The following PKP3 variants were observed in gnomAD, a reference collection of about 807,000 sequenced individuals.
PKP3 encodes the protein plakophilin-3.
In PKP3, 66 loss-of-function variants were observed where a neutral mutation model predicts 76.5. The observed-to-expected ratio is 0.86, with a 90% CI of 0.71 to 1.06. The LOEUF (loss-of-function observed/expected upper bound fraction) is 1.06, where lower values mean the gene tolerates loss of function less well. PKP3 is among the 50% of genes least tolerant of loss of function. The pLI is 0.00. For synonymous variants in PKP3, 638 were observed against 516.5 expected, an observed-to-expected ratio of 1.24 and a Z score of -3.19; for missense variants, 1,338 against 1,141.0, an observed-to-expected ratio of 1.17 and a Z score of -2.49.
rs765481401 is a variant in PKP3 at position 399,024 on chromosome 11, G to A, written c.1101G>A (p.Val367=). ...GCCTTCAGGCCGTGCCTAGGCTGGT[G>A]AAGCTCTTCAACCACGCCAACCAGG... ...ARSLQAVPRL[V]KLFNHANQEV... is the part of the protein sequence containing the mutation. The change falls in exon 5 of 13, where the codon GTG becomes GTA. Residue 367 remains valine, a synonymous_variant. Transcript: ENST00000331563. 1 of 1,601,622 alleles carries A rather than the reference G, an allele frequency of 6.2e-7. No individual in the cohort carries two copies. Among genetic ancestry groups the A allele is most frequent in the South Asian group, 1.1e-5 (1 of 90,168 alleles).
At chr11:400,289 G>A (rs1207850270) in intron 6 of PKP3, 45 bp from the exon 7 acceptor site, 3 of 1,490,382 alleles carry the variant, frequency 2.0e-6, no homozygotes, top group Non-Finnish European at 2.7e-6. Context: ...GGCAAGGCCC[G>A]GGATGCGGGG....
chr11:400,736 G>A, intron 8 of PKP3, 31 bp downstream of exon 8: 2 of 1,181,374 alleles, frequency 1.7e-6, no homozygotes, highest in Non-Finnish European at 2.1e-6. Flanking sequence ...GGCGTGGGGT[G>A]GGTGCTGCGA....
chr11:403,681 C>T lies in PKP3; in HGVS notation c.1987C>T (p.Arg663Cys), dbSNP rs766868603. ...QERILNPLLD[R>C]VRTADHHQLR... ...GCGTATTCTGAACCCCCTGCTAGAC[C>T]GTGTCAGGACCGCCGACCACCACCA... Residue 663 changes from arginine to cysteine, a missense_variant, in exon 10 of 13, where the codon CGT becomes TGT. Physicochemically the swap from Arg to Cys is radical, Grantham distance 180 (BLOSUM62 -3). Transcript: ENST00000331563. 6 of 1,610,244 alleles carry T rather than the reference C, an allele frequency of 3.7e-6. No homozygotes were observed. The highest frequency in any genetic ancestry group is 1.1e-5 in the South Asian group (1 of 91,074).
In PKP3 at chr11:394,210, G is replaced by C. The variant is rs2133592744; in HGVS notation, c.-83G>C. On this transcript the variant is annotated 5_prime_UTR_variant, in exon 1 of 13. Transcript: ENST00000331563. The stretch of plus-strand genomic sequence containing the variant: ...TGAGGCTGGCTGGGCGGGGACTTCA[G>C]GGAGAGGGCCTCGAGGGACAGGACG... 4 of 1,392,484 alleles carry C rather than the reference G, an allele frequency of 2.9e-6. No individual in the cohort carries two copies. The South Asian group carries it at 6.2e-5, about 22-fold the overall frequency. The allele number at this position is 1,392,484 out of a possible 1,614,324, so 86.3% of individuals were successfully genotyped here. A position where few individuals can be genotyped will look rare whatever the true frequency, so the allele number is the denominator to read the frequency against.
At chr11:397,991 C>T (rs1847081519) in intron 4 of PKP3, among the ~76,000 whole-genome samples, 2 of 110,058 alleles carry the variant, frequency 1.8e-5, no homozygotes, top group African/African-American at 7.4e-5. Flanking sequence ...CCCCCGCACA[C>T]ACCTGCATCA....
chr11:392,693 C>A, upstream of PKP3: 1 of 1,286,716 alleles, frequency 7.8e-7, no homozygotes, highest in Non-Finnish European at 1.0e-6. Flanking sequence ...CTGGCGGGAT[C>A]CGGACCACGA....
chr11:404,875 C>T lies in PKP3; in HGVS notation c.*306C>T. 4.4e-6 allele frequency: 2 copies of T among 450,460 alleles called. No individual in the cohort carries two copies. The highest frequency in any genetic ancestry group is 3.6e-5 in the Admixed American group (1 of 27,912). 27.9% of individuals were successfully genotyped at this position (450,460 alleles called of 1,614,324 possible). ...TGGCCTGGCAGTATCTTGGGATAGC[C>T]AGCACTGGGAATAAAGATGGCCATG... On this transcript the variant is annotated 3_prime_UTR_variant, in exon 13 of 13. Coordinates refer to ENST00000331563, the MANE Select transcript of PKP3 (RefSeq NM_007183.4). The surrounding 1 kb of genome is among the most constrained non-coding windows in gnomAD (Gnocchi z 4.2).
chr11:400,063 C>T lies in PKP3; in HGVS notation c.1370C>T (p.Ser457Leu), dbSNP rs779832282. The T allele has an allele frequency of 6.2e-6, 10 of 1,602,778 alleles. No individual in the cohort carries two copies. In the African/African-American group the frequency reaches 9.4e-5, roughly 15 times the overall value. Reference sequence around the variant, plus strand: ...ACAGACCTGGTGTTGAGCCCCCTGTCGGGGGCTGGGGGTCCCCCCCTCATC... The same window carrying T: ...ACAGACCTGGTGTTGAGCCCCCTGTTGGGGGCTGGGGGTCCCCCCCTCATC... ...QLTDLVLSPL[S>L]GAGGPPLIQQ... The change falls in exon 6 of 13, where the codon TCG (serine) becomes TTG (leucine). Residue 457 changes from serine (S) to leucine (L), a missense_variant. Coordinates refer to ENST00000331563, the MANE Select transcript of PKP3 (RefSeq NM_007183.4).
Position 397,185 on chromosome 11 carries a change from GC to G in PKP3, c.685del (p.Leu229TrpfsTer35), listed in dbSNP as rs745982064. ...GCTCCAGCTCCAGCCGGGCAGGGGG[GC>G]TGGACTGGCCCGAGGCCACTGAGGT... ...ASSSSSRAGG[L>X]DWPEATEVSP... On this transcript the variant is annotated frameshift_variant, in exon 3 of 13. Coordinates refer to ENST00000331563, the MANE Select transcript of PKP3 (RefSeq NM_007183.4). LOFTEE classifies it high-confidence loss of function. The G allele has an allele frequency of 6.3e-7, 1 of 1,598,298 alleles. No individual in the cohort carries two copies.
rs746544039 is a variant in PKP3, at chr11:397,336, C to G, written c.835C>G (p.Pro279Ala). ...CGTCCTGGAGCCAGTGGCTCGAGCG[C>G]CATCTGTGCGCAGCCTCAGCCTCAG... is the stretch of plus-strand genomic sequence containing the variant. ...GAVLEPVARAPSVRSLSLSLA... is the reference protein window; with the variant it reads ...GAVLEPVARAASVRSLSLSLA... The change falls in exon 3 of 13, where the codon CCA becomes GCA. Residue 279 changes from proline to alanine, a missense_variant. By Grantham distance (27) the Pro-to-Ala change is conservative. Transcript: ENST00000331563. 1 of 1,581,176 alleles carries G rather than the reference C, an allele frequency of 6.3e-7. No individual in the cohort carries two copies. The highest frequency in any genetic ancestry group is 1.8e-5 in the Admixed American group (1 of 55,534).
intron 8 of PKP3, 58 bp from the exon 9 acceptor site, chr11:403,020 A>G (rs1410123955): frequency 1.9e-6 from 1 of 538,738 alleles, no homozygotes; most frequent in Non-Finnish European, 2.4e-6. Context: ...GCTCACCCCG[A>G]CCCGCTCACC....
rs1001283366 is a variant in PKP3, at chr11:394,474, C to T, written c.182C>T (p.Pro61Leu). The T allele has an allele frequency of 2.3e-5, 33 of 1,433,382 alleles. No individual in the cohort carries two copies. Among genetic ancestry groups the T allele is most frequent in the Non-Finnish European group, 3.0e-5 (33 of 1,100,090 alleles). The allele number at this position is 1,433,382 out of a possible 1,614,324, so 88.8% of individuals were successfully genotyped here. A position where few individuals can be genotyped will look rare whatever the true frequency, so the allele number is the denominator to read the frequency against. The change falls in exon 1 of 13, where the codon CCG becomes CTG. Residue 61 changes from proline (P) to leucine (L), a missense_variant. Coordinates refer to ENST00000331563, the MANE Select transcript of PKP3 (RefSeq NM_007183.4). Reference sequence around the variant, plus strand: ...CGCCTCTTGCAGCTGGGACAGCAGCCGCGGCACAACGGGGCCGCTGAGCCC... The same window carrying T: ...CGCCTCTTGCAGCTGGGACAGCAGCTGCGGCACAACGGGGCCGCTGAGCCC... ...RARLLQLGQQPRHNGAAEPEP... is the reference protein window; with the variant it reads ...RARLLQLGQQLRHNGAAEPEP...
rs554962150 is a variant in PKP3 at position 403,987 on chromosome 11, G to A, written c.2122G>A (p.Val708Met). 63 of 1,610,168 alleles carry A rather than the reference G, an allele frequency of 3.9e-5. No individual in the cohort carries two copies. Among genetic ancestry groups the A allele is most frequent in the East Asian group, 3.6e-4 (16 of 44,810 alleles). Residue 708 changes from valine (V) to methionine (M), a missense_variant, in exon 11 of 13, where the codon GTG becomes ATG. Val to Met is a conservative substitution (Grantham distance 21, BLOSUM62 1). Transcript: ENST00000331563. ...SHLIEKLPGS[V>M]GEKSPPAEVL... is the part of the protein sequence containing the mutation. Reference sequence around the variant, plus strand: ...CCTGATCGAGAAGCTGCCGGGCAGCGTGGGTGAGAAGTCGCCCCCAGCCGA... The same window carrying A: ...CCTGATCGAGAAGCTGCCGGGCAGCATGGGTGAGAAGTCGCCCCCAGCCGA...
chr11:396,885 C>T lies in PKP3; in HGVS notation c.384C>T (p.Ser128=), dbSNP rs1359107848. The T allele has an allele frequency of 6.3e-7, 1 of 1,599,152 alleles. No individual in the cohort carries two copies. Among genetic ancestry groups the T allele is most frequent in the African/African-American group, 1.3e-5 (1 of 74,856 alleles). The part of the protein sequence containing the change: ...SWSSRSAVDL[S]CSRRLSSAHN... Reference sequence around the variant, plus strand: ...CCTCCCGCTCCGCCGTGGATCTGAGCTGCAGTCGGAGGCTGAGTTCAGCCC... The same window carrying T: ...CCTCCCGCTCCGCCGTGGATCTGAGTTGCAGTCGGAGGCTGAGTTCAGCCC... Residue 128 remains serine, a synonymous_variant, in exon 3 of 13, where the codon AGC becomes AGT. Transcript: ENST00000331563.
rs146140233 is a variant in PKP3 at position 397,614 on chromosome 11, G to A, written c.1020G>A (p.Ala340=). The change falls in exon 4 of 13, where the codon GCG becomes GCA. Residue 340 remains alanine, a synonymous_variant. Coordinates refer to ENST00000331563, the MANE Select transcript of PKP3 (RefSeq NM_007183.4). ...ACCCCAACCTGCAGGTGCTGGGAGC[G>A]GCCTACATCCAGCACAAGTGCTACA... ...ASDPNLQVLG[A]AYIQHKCYSD... is the part of the protein sequence containing the mutation. 5.7e-5 allele frequency: 92 copies of A among 1,612,024 alleles called. No individual in the cohort carries two copies. The African/African-American group carries it at 1.0e-3, about 18-fold the overall frequency.
upstream of PKP3, chr11:393,514 G>T (rs943419405): frequency 3.7e-4 from 57 of 152,308 alleles, no homozygotes; most frequent in African/African-American, 1.4e-3. Flanking sequence ...GGCCTCTGTA[G>T]GGGGTGAGGG....
chr11:403,204 C>T lies in PKP3; in HGVS notation c.1864C>T (p.Arg622Trp), dbSNP rs376319866. ...GCTGCTGCAGCGCTGCGAGCTCAAC[C>T]GGCACACGACGGAGGCGGCCGCCGG... ...NRLLQRCELN[R>W]HTTEAAAGAL... The change falls in exon 9 of 13, where the codon CGG (arginine) becomes TGG (tryptophan). Residue 622 changes from arginine (R) to tryptophan (W), a missense_variant. Coordinates refer to ENST00000331563, the MANE Select transcript of PKP3 (RefSeq NM_007183.4). 2.5e-5 allele frequency: 39 copies of T among 1,590,434 alleles called. No homozygotes were observed. The highest frequency in any genetic ancestry group is 2.2e-4 in the South Asian group (19 of 88,062).
In PKP3 at chr11:404,381, G is replaced by C; in HGVS notation, c.2358+58G>C. 6.5e-7 allele frequency: 1 copy of C among 1,528,570 alleles called. No individual in the cohort carries two copies. The highest frequency in any genetic ancestry group is 1.1e-5 in the South Asian group (1 of 89,402). The allele number at this position is 1,528,570 out of a possible 1,614,324, so 94.7% of individuals were successfully genotyped here. ...CCGGGTGCAGGGCATGGGACGCCGG[G>C]GGAGGGTCAGTGAAGAGGCCCATGG... On this transcript the variant is annotated intron_variant, in intron 12 of 12. Transcript: ENST00000331563. The surrounding 1 kb of genome is among the most constrained non-coding windows in gnomAD (Gnocchi z 4.2).
Position 394,217 on chromosome 11 carries a change from G to C in PKP3, c.-76G>C. ...GGCTGGGCGGGGACTTCAGGGAGAG[G>C]GCCTCGAGGGACAGGACGTGAAGAT... On this transcript the variant is annotated 5_prime_UTR_variant, in exon 1 of 13. Coordinates refer to ENST00000331563, the MANE Select transcript of PKP3 (RefSeq NM_007183.4). 7.1e-7 allele frequency: 1 copy of C among 1,400,650 alleles called. No individual in the cohort carries two copies. The highest frequency in any genetic ancestry group is 9.2e-7 in the Non-Finnish European group (1 of 1,081,682). The allele number at this position is 1,400,650 out of a possible 1,614,324, so 86.8% of individuals were successfully genotyped here.
Sources: gnomAD v4.1 joint callset for allele counts (sites outside exome capture counted in the v4.1 genomes callset) on GRCh38, gnomAD v4.1.1 for gene constraint, Gnocchi (gnomAD v3.1) non-coding constraint, MANE v1.5 for transcripts, NCBI Gene and HGNC (gene_info 2026-07-23, HGNC 2026-07-21) for gene names.